ZFHX4: variants seen among roughly 807,000 people sequenced by gnomAD.
ZFHX4 encodes zinc finger homeobox 4.
A neutral mutation model predicts 267.6 loss-of-function variants in ZFHX4; 56 were observed. The observed-to-expected ratio is 0.21, with a 90% CI of 0.17 to 0.26. The LOEUF is 0.26. Ranked by LOEUF, ZFHX4 falls within the 10% of genes least tolerant of loss-of-function variation. The pLI, the probability that ZFHX4 is intolerant of heterozygous loss-of-function variation, is 1.00. For missense variants in ZFHX4, 4,332 were observed against 4,420.0 expected (o/e 0.98, Z 0.56); for synonymous variants, 1,778 against 1,665.6 (o/e 1.07, Z -1.64).
rs745775615 is a variant in ZFHX4, at chr8:76,853,461, G to T, written c.6540G>T (p.Thr2180=). ...TTATCAAACACTGGTTTAGAAATAC[G>T]CTTTTTAAGGAACGACAGAGAAATA... ...QKVIKHWFRN[T]LFKERQRNKD... Residue 2180 remains threonine (T), a synonymous_variant, in exon 10 of 11, where the codon ACG becomes ACT. Coordinates refer to ENST00000651372, the MANE Select transcript of ZFHX4 (RefSeq NM_024721.5). 32 of 1,613,610 alleles carry T rather than the reference G, an allele frequency of 2.0e-5. 1 individual carries two copies. In the South Asian group the frequency reaches 2.3e-4, roughly 12 times the overall value.
chr8:76,707,498 C>G (rs779866235), intron 2 of ZFHX4, 48 bp from the exon 3 acceptor site: 53 of 1,425,426 alleles, frequency 3.7e-5, no homozygotes, highest in Non-Finnish European at 4.3e-5. Flanking sequence ...TTTGTGTGTG[C>G]TGTGTTTTCT....
At chr8:76,728,421 C>T (rs952657895) in intron 3 of ZFHX4, among the ~76,000 whole-genome samples, 2 of 152,146 alleles carry the variant, frequency 1.3e-5, no homozygotes, top group African/African-American at 4.8e-5. Flanking sequence ...AGAGCAAATT[C>T]CATAGGTTTG....
Position 76,735,224 on chromosome 8 carries a change from A to G in ZFHX4, c.3093+27176A>G, listed in dbSNP as rs142250414. Among the ~76,000 whole-genome samples, 784 of 152,230 alleles carry G rather than the reference A, an allele frequency of 5.2e-3. 4 individuals are homozygous for G. Among genetic ancestry groups the G allele is most frequent in the African/African-American group, 0.014 (566 of 41,566 alleles). On this transcript the variant is annotated intron_variant, in intron 3 of 10. Coordinates refer to ENST00000651372, the MANE Select transcript of ZFHX4 (RefSeq NM_024721.5). ...ACATTGATATTAATGTGAGCTTTCC[A>G]AAAGAAAATAAGAATTTTGTAGGTT...
chr8:76,748,815 G>C (rs966969275), intron 3 of ZFHX4, among the ~76,000 whole-genome samples: 3 of 152,058 alleles, frequency 2.0e-5, no homozygotes, highest in African/African-American at 7.2e-5. Flanking sequence ...CTATGTACAA[G>C]GCTACCATGT....
chr8:76,835,223 A>ATATATATATATATATATG (rs1252320314), intron 5 of ZFHX4, among the ~76,000 whole-genome samples: 3 of 99,070 alleles, frequency 3.0e-5, no homozygotes, highest in Admixed American at 9.4e-5. Flanking sequence ...ATATATGTAT[A>ATATATATATATATATATG]TATATATATA....
intron 3 of ZFHX4, among the ~76,000 whole-genome samples, chr8:76,759,902 A>G (rs753756872): frequency 3.9e-5 from 6 of 152,206 alleles, no homozygotes; most frequent in Non-Finnish European, 7.3e-5. Context: ...GTATTAAGAC[A>G]GGTAAATGAT....
At chr8:76,763,940 T>A (rs1809984816) in intron 3 of ZFHX4, among the ~76,000 whole-genome samples, 1 of 152,196 alleles carries the variant, frequency 6.6e-6, no homozygotes, top group Non-Finnish European at 1.5e-5. Context: ...ATTCTGATGT[T>A]TTTATTACAG....
intron 3 of ZFHX4, among the ~76,000 whole-genome samples, chr8:76,727,602 C>G (rs1437407613): frequency 6.6e-6 from 1 of 152,130 alleles, no homozygotes; most frequent in African/African-American, 2.4e-5. Context: ...TTTCAGAAAC[C>G]AGCTAAAACA....
chr8:76,697,112 A>T (rs1807979847), intron 1 of ZFHX4, among the ~76,000 whole-genome samples: 1 of 152,028 alleles, frequency 6.6e-6, no homozygotes, highest in Non-Finnish European at 1.5e-5. Flanking sequence ...TATAGTGGTT[A>T]TGAGATCATA....
chr8:76,688,184 C>A (rs185914746), intron 1 of ZFHX4, among the ~76,000 whole-genome samples: 4 of 152,242 alleles, frequency 2.6e-5, no homozygotes, highest in African/African-American at 9.6e-5. Flanking sequence ...CAGCACTTTG[C>A]TGGCAAAAAC....
At chr8:76,735,165 C>T (rs1182130156) in intron 3 of ZFHX4, among the ~76,000 whole-genome samples, 1 of 152,090 alleles carries the variant, frequency 6.6e-6, no homozygotes, top group African/African-American at 2.4e-5. Flanking sequence ...TGCTATTCTG[C>T]CATTCCATTA....
chr8:76,753,931 AT>A (rs1311267547), intron 3 of ZFHX4, among the ~76,000 whole-genome samples: 9 of 69,836 alleles, frequency 1.3e-4, no homozygotes, highest in Admixed American at 9.7e-4. Context: ...TCCAGCCAAC[AT>A]TTTTTATATG....
At chr8:76,752,578 G>A (rs1019161091) in intron 3 of ZFHX4, among the ~76,000 whole-genome samples, 1 of 151,912 alleles carries the variant, frequency 6.6e-6, no homozygotes, top group Non-Finnish European at 1.5e-5. Context: ...AGCTGTGGCA[G>A]GAGAATTGCT....
In ZFHX4 at chr8:76,851,116, T is replaced by C. The variant is rs777975127; in HGVS notation, c.4195T>C (p.Cys1399Arg). 1.7e-5 allele frequency: 28 copies of C among 1,613,892 alleles called. No homozygotes were observed. Among genetic ancestry groups the C allele is most frequent in the Non-Finnish European group, 2.5e-6 (3 of 1,179,890 alleles). ...TGACCGTCATGTCTACAAGTATCGC[T>C]GTAACCATTGTAGCTTGGCTTTCAA... ...VSDRHVYKYR[C>R]NHCSLAFKTM... The change falls in exon 10 of 11, where the codon TGT (cysteine) becomes CGT (arginine). Residue 1399 changes from cysteine (C) to arginine (R), a missense_variant. Cys to Arg is a radical substitution (Grantham distance 180, BLOSUM62 -3). This residue lies in a region of ZFHX4 where 1,371 missense variants were observed against 1,423.1 expected (regional missense o/e 0.96). Coordinates refer to ENST00000651372, the MANE Select transcript of ZFHX4 (RefSeq NM_024721.5).
intron 3 of ZFHX4, among the ~76,000 whole-genome samples, chr8:76,727,474 TC>T (rs1334795821): frequency 6.6e-6 from 1 of 152,156 alleles, no homozygotes; most frequent in Non-Finnish European, 1.5e-5. Flanking sequence ...GCATGGCTGC[TC>T]CTTTCCTTAG....
At chr8:76,725,533 G>A (rs898547816) in intron 3 of ZFHX4, among the ~76,000 whole-genome samples, 1 of 152,018 alleles carries the variant, frequency 6.6e-6, no homozygotes, top group Non-Finnish European at 1.5e-5. Flanking sequence ...TTAGATTAAT[G>A]AAACAGCTGA....
At chr8:76,809,375 T>C (rs1287457698) in intron 4 of ZFHX4, among the ~76,000 whole-genome samples, 3 of 152,180 alleles carry the variant, frequency 2.0e-5, no homozygotes, top group Non-Finnish European at 4.4e-5. Context: ...TTCCCTTAGA[T>C]ATCATCTCTT....
intron 6 of ZFHX4, among the ~76,000 whole-genome samples, chr8:76,846,406 G>A (rs1812365131): frequency 1.3e-5 from 2 of 152,006 alleles, no homozygotes; most frequent in South Asian, 4.2e-4. Flanking sequence ...TCTTTAGGAG[G>A]CTCCTGGCTT....
At chr8:76,683,312 C>G (rs1807596720) in intron 1 of ZFHX4, 1 of 151,442 alleles carries the variant, frequency 6.6e-6, no homozygotes, top group Admixed American at 6.8e-5. Flanking sequence ...TCTCCCTACT[C>G]TTCCCCCCAC....
Sources: gnomAD v4.1 joint callset for allele counts (sites outside exome capture counted in the v4.1 genomes callset) on GRCh38, gnomAD v4.1.1 for gene constraint, gnomAD v4.1.1 regional missense constraint, MANE v1.5 for transcripts, NCBI Gene and HGNC (gene_info 2026-07-23, HGNC 2026-07-21) for gene names.